The following KCTD21 variants were observed in gnomAD, a reference collection of about 807,000 sequenced individuals.
KCTD21 encodes the protein potassium channel tetramerization domain containing 21.
KCTD21 carries 9 observed loss-of-function variants against 13.2 expected under a neutral mutation model. That is an observed-to-expected ratio of 0.68 (90% CI 0.41 to 1.19). KCTD21 has a LOEUF of 1.19. KCTD21 is among the 50% of genes most tolerant of loss of function. KCTD21 has a pLI of 0.01. For synonymous variants in KCTD21, 142 were observed against 137.4 expected (o/e 1.03, Z -0.23); for missense variants, 303 against 336.5 (o/e 0.90, Z 0.78).
At chr11:78,188,420 T>G (rs966081428) in intron 1 of KCTD21, 153 bp downstream of exon 1, 540 of 982,794 alleles carry the variant, frequency 5.5e-4, no homozygotes, top group Non-Finnish European at 6.1e-4. Context: ...ACGCGCCCCC[T>G]CCCCCGCACC....
In KCTD21 at chr11:78,174,526, C is replaced by A; in HGVS notation, c.29G>T (p.Gly10Val). Residue 10 changes from glycine (G) to valine (V), a missense_variant, in exon 2 of 2, where the codon GGG becomes GTG. Coordinates refer to ENST00000340067, the MANE Select transcript of KCTD21 (RefSeq NM_001029859.3). ...CAGTGAGGTTGTATAGAGCTTCCCC[C>A]CGACGTTCAGCGTGATGGGGTCGGA... MSDPITLNV[G>V]GKLYTTSLAT... The A allele has an allele frequency of 1.2e-6, 2 of 1,613,270 alleles. No individual in the cohort carries two copies. The highest frequency in any genetic ancestry group is 1.7e-6 in the Non-Finnish European group (2 of 1,179,566).
chr11:78,173,493 A>G lies in KCTD21; in HGVS notation c.*279T>C. Reference sequence around the variant, plus strand: ...TGCTGCTCTTTTGTCCTGGCTGGAAAATCCTCCTATGGCCTCCTTTAGTAC... The same window carrying G: ...TGCTGCTCTTTTGTCCTGGCTGGAAGATCCTCCTATGGCCTCCTTTAGTAC... On this transcript the variant is annotated 3_prime_UTR_variant, in exon 2 of 2. Coordinates refer to ENST00000340067, the MANE Select transcript of KCTD21 (RefSeq NM_001029859.3). 1 of 334,100 alleles carries G rather than the reference A, an allele frequency of 3.0e-6. No homozygotes were observed. The highest frequency in any genetic ancestry group is 5.5e-6 in the Non-Finnish European group (1 of 182,118). 20.7% of individuals were successfully genotyped at this position (334,100 alleles called of 1,614,324 possible). A position where few individuals can be genotyped will look rare whatever the true frequency, so the allele number is the denominator to read the frequency against.
intron 1 of KCTD21, among the ~76,000 whole-genome samples, chr11:78,185,976 A>G (rs1421335736): frequency 1.3e-5 from 2 of 152,156 alleles, no homozygotes; most frequent in Non-Finnish European, 2.9e-5. Flanking sequence ...TCATGAACCC[A>G]GAATCTCTGT....
chr11:78,173,868 T>C lies in KCTD21; in HGVS notation c.687A>G (p.Lys229=). The C allele has an allele frequency of 6.2e-7, 1 of 1,614,144 alleles. No homozygotes were observed. Among genetic ancestry groups the C allele is most frequent in the Non-Finnish European group, 8.5e-7 (1 of 1,180,024 alleles). The change falls in exon 2 of 2, where the codon AAA becomes AAG. Residue 229 remains lysine, a synonymous_variant. Coordinates refer to ENST00000340067, the MANE Select transcript of KCTD21 (RefSeq NM_001029859.3). The stretch of plus-strand genomic sequence containing the variant: ...TGCAGAAGCCATCGCTCAGAGCGAT[T>C]TTCAGTACCTCTTCCACGAAGACCT... ...SFQVFVEEVL[K]IALSDGFCID...
intron 1 of KCTD21, chr11:78,187,993 T>C (rs1408357139): frequency 1.0e-6 from 1 of 985,316 alleles, no homozygotes; most frequent in African/African-American, 1.7e-5. Context: ...ATGAGATCAC[T>C]GGTGTGCCGC....
intron 1 of KCTD21, among the ~76,000 whole-genome samples, chr11:78,180,599 TATC>T (rs1327019036): frequency 2.0e-5 from 3 of 152,242 alleles, no homozygotes; most frequent in African/African-American, 4.8e-5. Flanking sequence ...AGATGGTCAA[TATC>T]ATCAGTCATG....
intron 1 of KCTD21, among the ~76,000 whole-genome samples, chr11:78,179,342 C>T (rs546615034): frequency 2.8e-4 from 42 of 152,036 alleles, no homozygotes; most frequent in Non-Finnish European, 3.5e-4. Context: ...TTGTTCAAAA[C>T]GCCAAGGACC....
At position 78,187,255 on chromosome 11, in the gene KCTD21, C is replaced by T. The variant is rs146097988; in HGVS notation, c.-30+1318G>A. On this transcript the variant is annotated intron_variant, in intron 1 of 1. Transcript: ENST00000340067. ...TGCCTTGAAGCCCCTAGGACGACTACCCTTTCTTCACCTCCTCTTCCTGAC... is the reference window on the plus strand; with the variant it reads ...TGCCTTGAAGCCCCTAGGACGACTATCCTTTCTTCACCTCCTCTTCCTGAC... 365 of 985,332 alleles carry T rather than the reference C, an allele frequency of 3.7e-4. 1 individual carries two copies. In the African/African-American group the frequency reaches 5.9e-3, roughly 16 times the overall value. 61.0% of individuals were successfully genotyped at this position (985,332 alleles called of 1,614,324 possible).
intron 1 of KCTD21, among the ~76,000 whole-genome samples, chr11:78,177,427 C>T (rs1159428844): frequency 3.3e-5 from 5 of 152,140 alleles, no homozygotes; most frequent in Admixed American, 6.5e-5. Context: ...GGCGAGCTGC[C>T]GCTGGGGGCA....
chr11:78,173,792 G>A lies in KCTD21; in HGVS notation c.763C>T (p.Arg255Ter), dbSNP rs757080401. 29 of 1,613,048 alleles carry A rather than the reference G, an allele frequency of 1.8e-5. No individual in the cohort carries two copies. Among genetic ancestry groups the A allele is most frequent in the Middle Eastern group, 1.6e-4 (1 of 6,080 alleles). Residue 255 changes from arginine (R) to a stop codon, truncating the protein, a stop_gained, in exon 2 of 2, where the codon CGA (arginine) becomes TGA (stop). Coordinates refer to ENST00000340067, the MANE Select transcript of KCTD21 (RefSeq NM_001029859.3). LOFTEE classifies it high-confidence loss of function. ...TCCTTTTACCTGTACCGTATTAATC[G>A]AATAATCTTATTGTTCATAAAATCC... is the stretch of plus-strand genomic sequence containing the variant. Reference protein sequence around the residue: ...ALDFMNNKIIRLIRYR With the variant: ...ALDFMNNKII
intron 1 of KCTD21, 161 bp downstream of exon 1, chr11:78,188,412 G>C (rs1039078508): frequency 1.0e-6 from 1 of 985,088 alleles, no homozygotes; most frequent in Non-Finnish European, 1.2e-6. Context: ...GCTCCGAAAC[G>C]CGCCCCCTCC....
At chr11:78,184,810 C>T (rs1590884021) in intron 1 of KCTD21, among the ~76,000 whole-genome samples, 2 of 151,814 alleles carry the variant, frequency 1.3e-5, no homozygotes, top group African/African-American at 2.4e-5. Flanking sequence ...AGTGCAGTGG[C>T]GCGATCATGG....
chr11:78,180,785 C>G (rs951056732), intron 1 of KCTD21, among the ~76,000 whole-genome samples: 2 of 152,204 alleles, frequency 1.3e-5, no homozygotes, highest in African/African-American at 4.8e-5. Context: ...TGGTTTGGCT[C>G]TGTGTCCCCA....
intron 1 of KCTD21, chr11:78,176,191 AACAT>A (rs1200758033): frequency 1.4e-4 from 21 of 152,294 alleles, no homozygotes; most frequent in African/African-American, 4.6e-4. Flanking sequence ...TGCCGCAATA[AACAT>A]ACGTGTGCAT....
At chr11:78,181,993 T>G (rs74862493) in intron 1 of KCTD21, among the ~76,000 whole-genome samples, 13,045 of 152,254 alleles carry the variant, frequency 0.086, 711 homozygotes, top group East Asian at 0.29. Context: ...AACAATTTTT[T>G]TTGGAAACCA....
intron 1 of KCTD21, among the ~76,000 whole-genome samples, chr11:78,179,032 G>C (rs1421898570): frequency 6.6e-6 from 1 of 152,114 alleles, no homozygotes; most frequent in Non-Finnish European, 1.5e-5. Context: ...CAGATAAGGA[G>C]TAGCTGATAA....
chr11:78,173,690 G>A lies in KCTD21; in HGVS notation c.*82C>T, dbSNP rs1028563876. The A allele has an allele frequency of 3.2e-5, 37 of 1,141,132 alleles. No individual in the cohort carries two copies. In the Admixed American group the frequency reaches 3.6e-4, roughly 11 times the overall value. 70.7% of individuals were successfully genotyped at this position (1,141,132 alleles called of 1,614,324 possible). A position where few individuals can be genotyped will look rare whatever the true frequency, so the allele number is the denominator to read the frequency against. ...ACAGATTAGTATAGTCCCCTGCCTC[G>A]CACCACTGGCGAGATGCCCTCCAAG... On this transcript the variant is annotated 3_prime_UTR_variant, in exon 2 of 2. Transcript: ENST00000340067.
At chr11:78,186,433 G>GGTA (rs1026613436) in intron 1 of KCTD21, among the ~76,000 whole-genome samples, 11 of 149,428 alleles carry the variant, frequency 7.4e-5, no homozygotes, top group African/African-American at 2.5e-4. Context: ...GGCTGTGTGG[G>GGTA]GTAGGGGCAG....
chr11:78,180,390 G>A (rs759682146), intron 1 of KCTD21, among the ~76,000 whole-genome samples: 1 of 152,260 alleles, frequency 6.6e-6, no homozygotes, highest in Non-Finnish European at 1.5e-5. Context: ...GCTGGGTGCA[G>A]TGGCACATGC....
Sources: gnomAD v4.1 joint callset for allele counts (sites outside exome capture counted in the v4.1 genomes callset) on GRCh38, gnomAD v4.1.1 for gene constraint, MANE v1.5 for transcripts, NCBI Gene and HGNC (gene_info 2026-07-23, HGNC 2026-07-21) for gene names.